EDA: variants seen among roughly 807,000 people sequenced by gnomAD.
The protein encoded by EDA is ectodysplasin-A.
A neutral mutation model predicts 23.6 loss-of-function variants in EDA; 2 were observed. The ratio of observed to expected loss-of-function variants is 0.08; its 90% CI spans 0.03 to 0.27. The LOEUF is 0.27. Among genes scored for constraint, EDA ranks in the 10% least tolerant of loss-of-function variants. EDA has a pLI of 1.00. For missense variants in EDA, 229 were observed against 324.2 expected (o/e 0.71, Z 2.26); for synonymous variants, 131 against 132.0 (o/e 0.99, Z 0.05).
chrX:69,821,056 A>G (rs780759359), intron 1 of EDA, among the ~76,000 whole-genome samples: 7 of 111,696 alleles, frequency 6.3e-5, no homozygotes, highest in Non-Finnish European at 1.1e-4. Flanking sequence ...CTATGCAGCC[A>G]TAAAAAGGAA....
At chrX:69,681,056 T>G (rs1269215683) in intron 1 of EDA, among the ~76,000 whole-genome samples, 1 of 110,249 alleles carries the variant, frequency 9.1e-6, no homozygotes, top group African/African-American at 3.3e-5. Context: ...GTGTGTAAAG[T>G]ATTTTATTTC....
chrX:69,679,122 G>C (rs62607566), intron 1 of EDA, among the ~76,000 whole-genome samples: 1 of 109,105 alleles, frequency 9.2e-6, no homozygotes, highest in African/African-American at 3.4e-5. Context: ...GCTGGATTAC[G>C]TTTATTGATT....
intron 1 of EDA, chrX:69,749,569 G>A (rs1427627906): frequency 7.2e-5 from 8 of 111,390 alleles, no homozygotes; most frequent in Admixed American, 2.9e-4. Context: ...TGAAATACAG[G>A]GTCATTTTAT....
Position 69,680,961 on chromosome X carries a change from G to A in EDA, c.396+64257G>A, listed in dbSNP as rs1371394138. On this transcript the variant is annotated intron_variant, in intron 1 of 7. Transcript: ENST00000374552. Reference sequence around the variant, plus strand: ...GCATGATTTTGCAGCGGCTGGTACCGGTTGTTCCTTTCCATGTTTAGCGCT... The same window carrying A: ...GCATGATTTTGCAGCGGCTGGTACCAGTTGTTCCTTTCCATGTTTAGCGCT... Among the ~76,000 whole-genome samples, 12 of 107,351 alleles carry A rather than the reference G, an allele frequency of 1.1e-4. 1 individual carries two copies. Among genetic ancestry groups the A allele is most frequent in the East Asian group, 9.1e-4 (3 of 3,303 alleles). 93.2% of individuals were successfully genotyped at this position (107,351 alleles called of 115,157 possible). A position where few individuals can be genotyped will look rare whatever the true frequency, so the allele number is the denominator to read the frequency against.
rs765093205 is a variant in EDA, at chrX:69,755,982, G to A, written c.396+139278G>A. ...ATCTGTCACAGCTTCCCTTTGCTAA[G>A]AAAGGGAATTCCCCAACCCCTTGAG... On this transcript the variant is annotated intron_variant, in intron 1 of 7. Coordinates refer to ENST00000374552, the MANE Select transcript of EDA (RefSeq NM_001399.5). Among the ~76,000 whole-genome samples the A allele has an allele frequency of 8.9e-5, 10 of 112,123 alleles. 1 individual carries two copies. In the South Asian group the frequency reaches 2.2e-3, roughly 25 times the overall value.
At chrX:69,806,773 AAGCAG>A (rs1419660920) in intron 1 of EDA, among the ~76,000 whole-genome samples, 1 of 109,778 alleles carries the variant, frequency 9.1e-6, no homozygotes, top group African/African-American at 3.3e-5. Flanking sequence ...AGAGAGTTCC[AAGCAG>A]AGGAAATGGC....
chrX:69,942,499 C>T (rs753305372), intron 1 of EDA, among the ~76,000 whole-genome samples: 52 of 110,639 alleles, frequency 4.7e-4, no homozygotes, highest in African/African-American at 1.7e-3. Context: ...TCCTTCAGCA[C>T]TTTAAATATG....
intron 1 of EDA, among the ~76,000 whole-genome samples, chrX:69,685,564 T>G (rs1238399838): frequency 8.9e-6 from 1 of 112,070 alleles, no homozygotes; most frequent in African/African-American, 3.2e-5. Context: ...TTGTGTAATA[T>G]ACATTATAGT....
intron 1 of EDA, among the ~76,000 whole-genome samples, chrX:69,889,138 T>A (rs951259947): frequency 9.7e-5 from 10 of 102,797 alleles, no homozygotes; most frequent in Non-Finnish European, 1.8e-4. Context: ...TTTTACTTTT[T>A]ATTTATTTAT....
chrX:69,722,731 TCAGA>T (rs2012635918), intron 1 of EDA, among the ~76,000 whole-genome samples: 1 of 111,227 alleles, frequency 9.0e-6, no homozygotes, highest in African/African-American at 3.3e-5. Context: ...AACTTAAGAG[TCAGA>T]CAGACTTGCA....
intron 1 of EDA, among the ~76,000 whole-genome samples, chrX:69,840,420 G>T (rs2016869524): frequency 9.0e-6 from 1 of 111,686 alleles, no homozygotes; most frequent in African/African-American, 3.3e-5. Flanking sequence ...TGTGTCTCCA[G>T]AATACAGAAC....
chrX:69,635,565 T>A (rs1174204182), intron 1 of EDA, among the ~76,000 whole-genome samples: 1 of 54,248 alleles, frequency 1.8e-5, no homozygotes, highest in Non-Finnish European at 3.4e-5. Context: ...TAACACCAAA[T>A]CTTTTTTTTT....
intron 2 of EDA, among the ~76,000 whole-genome samples, chrX:70,010,136 G>C (rs745933871): frequency 1.8e-5 from 2 of 111,804 alleles, no homozygotes; most frequent in Non-Finnish European, 3.8e-5. Flanking sequence ...CTAGTTGATT[G>C]ATGGTACTAT....
intron 1 of EDA, among the ~76,000 whole-genome samples, chrX:69,854,672 G>A (rs1602484713): frequency 8.9e-6 from 1 of 112,509 alleles, no homozygotes; most frequent in South Asian, 3.7e-4. Flanking sequence ...ATTTCACGGT[G>A]TATAGATACC....
chrX:69,938,276 A>C (rs1046461841), intron 1 of EDA, among the ~76,000 whole-genome samples: 4 of 111,206 alleles, frequency 3.6e-5, no homozygotes, highest in Admixed American at 9.5e-5. Flanking sequence ...TTTTGAATAA[A>C]AGTTAAAATG....
chrX:70,020,537 C>A (rs186606585), intron 2 of EDA, among the ~76,000 whole-genome samples: 9 of 102,416 alleles, frequency 8.8e-5, no homozygotes, highest in African/African-American at 3.2e-4. Flanking sequence ...CCAGCCTGCG[C>A]GACAGAGCGA....
At chrX:69,790,782 CAG>C (rs1254452459) in intron 1 of EDA, among the ~76,000 whole-genome samples, 1 of 110,717 alleles carries the variant, frequency 9.0e-6, no homozygotes, top group East Asian at 2.8e-4. Context: ...GCCAGCAGTT[CAG>C]AGTCCCTCAT....
At chrX:69,851,470 T>C (rs986184673) in intron 1 of EDA, among the ~76,000 whole-genome samples, 1 of 112,540 alleles carries the variant, frequency 8.9e-6, no homozygotes, top group Non-Finnish European at 1.9e-5. Flanking sequence ...ATGCCAACAA[T>C]GCTTTGGATG....
Position 69,681,458 on chromosome X carries a change from C to T in EDA, c.396+64754C>T, listed in dbSNP as rs182735652. ...ATTCTCCCCGTCACTTTCAGGTACA[C>T]CAATCAGATGTAGATTTGGTCTTTT... On this transcript the variant is annotated intron_variant, in intron 1 of 7. Coordinates refer to ENST00000374552, the MANE Select transcript of EDA (RefSeq NM_001399.5). Among the ~76,000 whole-genome samples, 208 of 111,507 alleles carry T rather than the reference C, an allele frequency of 1.9e-3. 1 individual carries two copies. Among genetic ancestry groups the T allele is most frequent in the Non-Finnish European group, 2.9e-3 (154 of 53,052 alleles).
Sources: gnomAD v4.1 joint callset for allele counts (sites outside exome capture counted in the v4.1 genomes callset) on GRCh38, gnomAD v4.1.1 for gene constraint, MANE v1.5 for transcripts, NCBI Gene and HGNC (gene_info 2026-07-23, HGNC 2026-07-21) for gene names.